The following PLCB2 variants were observed in gnomAD, a reference collection of about 807,000 sequenced individuals.
PLCB2 encodes 1-phosphatidylinositol 4,5-bisphosphate phosphodiesterase beta-2.
PLCB2 carries 115 observed loss-of-function variants against 141.7 expected under a neutral mutation model. That is an observed-to-expected ratio of 0.81 (90% CI 0.70 to 0.95). The LOEUF (loss-of-function observed/expected upper bound fraction) is 0.95. PLCB2 is among the 40% of genes least tolerant of loss of function. The probability of loss-of-function intolerance (pLI) is 0.00; values close to 1 mark genes in which losing one functional copy is unlikely to be tolerated. For synonymous variants in PLCB2, 603 were observed against 595.6 expected, an observed-to-expected ratio of 1.01 and a Z score of -0.18; for missense variants, 1,403 against 1,541.1, an observed-to-expected ratio of 0.91 and a Z score of 1.50.
At chr15:40,285,843 A>C, downstream of PLCB2, 1 of 985,412 alleles carries the variant, frequency 1.0e-6, no homozygotes, top group East Asian at 1.1e-4. Context: ...CAGAATGGGC[A>C]CTTTCTTGGT....
In PLCB2 at chr15:40,288,355, A is replaced by C. The variant is rs2039664309; in HGVS notation, c.*360T>G. Reference sequence around the variant, plus strand: ...TGGGTCCAACCCTCCAGGTGAGGAAACTGAGCCCAGAGCTGGTTGCTCAAT... The same window carrying C: ...TGGGTCCAACCCTCCAGGTGAGGAACCTGAGCCCAGAGCTGGTTGCTCAAT... On this transcript the variant is annotated 3_prime_UTR_variant, in exon 32 of 32. Coordinates refer to ENST00000260402, the MANE Select transcript of PLCB2 (RefSeq NM_004573.3). 1.4e-5 allele frequency: 14 copies of C among 1,024,514 alleles called. No homozygotes were observed. The highest frequency in any genetic ancestry group is 1.6e-5 in the Non-Finnish European group (14 of 855,474). The allele number at this position is 1,024,514 out of a possible 1,614,324, so 63.5% of individuals were successfully genotyped here. A position where few individuals can be genotyped will look rare whatever the true frequency, so the allele number is the denominator to read the frequency against.
chr15:40,298,706 G>C lies in PLCB2; in HGVS notation c.853C>G (p.Gln285Glu). The C allele has an allele frequency of 6.2e-7, 1 of 1,614,072 alleles. No homozygotes were observed. ...CAGACCATGCCTTCAGGTGACAGCT[G>C]GCCTGGGGGACAGGAGATAGCTGTC... ...EPSGINAQRG[Q>E]LSPEGMVWFL... Residue 285 changes from glutamine (Q) to glutamate (E), a missense_variant and splice_region_variant, in exon 10 of 32, where the codon CAG (glutamine) becomes GAG (glutamate). Gln to Glu is a conservative substitution (Grantham distance 29). This residue lies in a region of PLCB2 where 975 missense variants were observed against 1,141.1 expected (regional missense o/e 0.85). Transcript: ENST00000260402.
rs1468369410 is a variant in PLCB2 at position 40,288,916 on chromosome 15, G to C, written c.3357C>G (p.Phe1119Leu). ...LEQIREMEKQ[F>L]QKEALAEYEA... Reference sequence around the variant, plus strand: ...CGTACTCTGCCAGCGCCTCCTTCTGGAACTGTGGAGACAGCAAGGACCCCT... The same window carrying C: ...CGTACTCTGCCAGCGCCTCCTTCTGCAACTGTGGAGACAGCAAGGACCCCT... Residue 1119 changes from phenylalanine to leucine, a missense_variant and splice_region_variant, in exon 32 of 32, where the codon TTC (phenylalanine) becomes TTG (leucine). Physicochemically the swap from Phe to Leu is conservative, Grantham distance 22. Around this residue, in one of 4 missense-constraint regions of PLCB2, gnomAD observed 132 missense variants for 132.4 expected, o/e 1.00. Transcript: ENST00000260402. 1 of 1,612,494 alleles carries C rather than the reference G, an allele frequency of 6.2e-7. No individual in the cohort carries two copies. Among genetic ancestry groups the C allele is most frequent in the Non-Finnish European group, 8.5e-7 (1 of 1,179,856 alleles).
At chr15:40,293,885 G>A (rs924924970) in intron 19 of PLCB2, among the ~76,000 whole-genome samples, 161 bp from the exon 20 acceptor site, 1 of 152,170 alleles carries the variant, frequency 6.6e-6, no homozygotes, top group Non-Finnish European at 1.5e-5. Context: ...TGTAGCCCAC[G>A]GGTTACAGCT....
chr15:40,306,862 T>A (rs2040821944), intron 1 of PLCB2, among the ~76,000 whole-genome samples: 1 of 152,172 alleles, frequency 6.6e-6, no homozygotes, highest in African/African-American at 2.4e-5. Flanking sequence ...CCTAAGAGAA[T>A]CCCTGGCCTA....
intron 2 of PLCB2, 129 bp from the exon 3 acceptor site, chr15:40,303,485 G>C (rs1379255436): frequency 2.3e-5 from 16 of 685,620 alleles, no homozygotes; most frequent in Non-Finnish European, 3.9e-5. Context: ...CCTCTCTCTA[G>C]ATGCCAGGCT....
chr15:40,305,822 C>A (rs2040766741), intron 1 of PLCB2, among the ~76,000 whole-genome samples: 1 of 152,240 alleles, frequency 6.6e-6, no homozygotes, highest in Non-Finnish European at 1.5e-5. Context: ...ACCTCCCTCC[C>A]TATAGCTCAT....
At position 40,292,128 on chromosome 15, in the gene PLCB2, T is replaced by C; in HGVS notation, c.2462A>G (p.Lys821Arg). ...CTTCGTGTCATGGGCACTGAAGAACTTAATGGGGTTGGCGAGGGCCACAGT... is the reference window on the plus strand; with the variant it reads ...CTTCGTGTCATGGGCACTGAAGAACCTAATGGGGTTGGCGAGGGCCACAGT... ...DLTVALANPI[K>R]FFSAHDTKSV... The change falls in exon 23 of 32, where the codon AAG becomes AGG. Residue 821 changes from lysine (K) to arginine (R), a missense_variant. Around this residue, in one of 4 missense-constraint regions of PLCB2, gnomAD observed 975 missense variants for 1,141.1 expected, o/e 0.85. Coordinates refer to ENST00000260402, the MANE Select transcript of PLCB2 (RefSeq NM_004573.3). The C allele has an allele frequency of 1.9e-6, 3 of 1,614,174 alleles. No homozygotes were observed. Among genetic ancestry groups the C allele is most frequent in the Non-Finnish European group, 2.5e-6 (3 of 1,180,038 alleles).
At position 40,296,925 on chromosome 15, in the gene PLCB2, A is replaced by G; in HGVS notation, c.1324-17T>C. 1 of 1,612,928 alleles carries G rather than the reference A, an allele frequency of 6.2e-7. No homozygotes were observed. Among genetic ancestry groups the G allele is most frequent in the South Asian group, 1.1e-5 (1 of 91,004 alleles). On this transcript the variant is annotated splice_polypyrimidine_tract_variant and intron_variant, in intron 13 of 31. Coordinates refer to ENST00000260402, the MANE Select transcript of PLCB2 (RefSeq NM_004573.3). Reference sequence around the variant, plus strand: ...TGGTTTTAGCTATGGAGTGGAGAGCAGGTCAGCACCATCTTCTCACCTTCA... The same window carrying G: ...TGGTTTTAGCTATGGAGTGGAGAGCGGGTCAGCACCATCTTCTCACCTTCA...
chr15:40,289,342 T>C lies in PLCB2; in HGVS notation c.3284A>G (p.Glu1095Gly), dbSNP rs936212. Residue 1095 changes from glutamate to glycine, a missense_variant, in exon 31 of 32, where the codon GAG becomes GGG. Physicochemically the swap from Glu to Gly is moderately conservative, Grantham distance 98. Around this residue, in one of 4 missense-constraint regions of PLCB2, gnomAD observed 132 missense variants for 132.4 expected, o/e 1.00. Transcript: ENST00000260402. ...CTCCTCCAGCTTCTCCTGGTGCCTC[T>C]CCAAGTTCTCCGTCATCTGGGTGGG... ...QVIKQMTENL[E>G]RHQEKLEEKQ... 52,429 of 1,613,786 alleles carry C rather than the reference T, an allele frequency of 0.032. 9,500 individuals carry two copies. The East Asian group carries it at 0.6, about 19-fold the overall frequency.
chr15:40,307,628 G>A lies in PLCB2; in HGVS notation c.45C>T (p.Ala15=). ...TGAAGCGCTCCCCTTGGCTCAGATA[G>A]GCCTTCACCTTGGGGGGCAGCAGGA... The part of the protein sequence containing the change: ...NPVLLPPKVK[A]YLSQGERFIK... The change falls in exon 1 of 32, where the codon GCC becomes GCT. Residue 15 remains alanine (A), a synonymous_variant. Transcript: ENST00000260402. 1 of 1,587,146 alleles carries A rather than the reference G, an allele frequency of 6.3e-7. No homozygotes were observed. Among genetic ancestry groups the A allele is most frequent in the East Asian group, 2.3e-5 (1 of 42,804 alleles).
chr15:40,285,485 A>ATTTTG (rs1038297575), downstream of PLCB2: 32 of 966,758 alleles, frequency 3.3e-5, no homozygotes, highest in African/African-American at 4.8e-4. Context: ...CATTTTTTTT[A>ATTTTG]TTTTGTTTTG....
At chr15:40,296,697 C>T in intron 14 of PLCB2, 49 bp downstream of exon 14, 6 of 1,610,476 alleles carry the variant, frequency 3.7e-6, no homozygotes, top group Non-Finnish European at 5.1e-6. Context: ...AGCCCCTCTC[C>T]TGTTCCAGAT....
intron 1 of PLCB2, among the ~76,000 whole-genome samples, chr15:40,305,539 TG>T (rs1291409330): frequency 3.3e-5 from 5 of 152,130 alleles, no homozygotes; most frequent in Middle Eastern, 6.8e-3. Context: ...GGGTCCAGGG[TG>T]GGCCCATGGG....
rs140792994 is a variant in PLCB2, at chr15:40,302,127, G to A, written c.506+9C>T. The A allele has an allele frequency of 6.6e-4, 1,066 of 1,612,178 alleles. 14 individuals carry two copies. The East Asian group carries it at 0.016, about 24-fold the overall frequency. On this transcript the variant is annotated intron_variant, in intron 6 of 31. Transcript: ENST00000260402. ...CCCTGGAAGCCTGGGGAGGGGTTGG[G>A]GGGCTCACTTCTTCACCGGAATCTT...
rs1595620746 is a variant in PLCB2 at position 40,288,480 on chromosome 15, A to G, written c.*235T>C. ...GACACTTATCTAGAGATGGAGGGGG[A>G]GGTAGGAAGTCAGCTTGAGAAGACT... On this transcript the variant is annotated 3_prime_UTR_variant, in exon 32 of 32. Coordinates refer to ENST00000260402, the MANE Select transcript of PLCB2 (RefSeq NM_004573.3). 18 of 1,255,326 alleles carry G rather than the reference A, an allele frequency of 1.4e-5. No homozygotes were observed. Among genetic ancestry groups the G allele is most frequent in the Admixed American group, 3.7e-5 (1 of 27,334 alleles). The allele number at this position is 1,255,326 out of a possible 1,614,324, so 77.8% of individuals were successfully genotyped here. A position where few individuals can be genotyped will look rare whatever the true frequency, so the allele number is the denominator to read the frequency against.
downstream of PLCB2, among the ~76,000 whole-genome samples, chr15:40,287,061 T>C (rs1286776174): frequency 1.3e-5 from 2 of 152,210 alleles, no homozygotes; most frequent in African/African-American, 4.8e-5. Context: ...TGAGTTCCTC[T>C]AGGCCCGAAT....
intron 27 of PLCB2, 89 bp from the exon 28 acceptor site, chr15:40,290,926 A>C: frequency 1.2e-6 from 1 of 837,180 alleles, no homozygotes; most frequent in Non-Finnish European, 1.6e-6. Flanking sequence ...GGAGTCGGTG[A>C]GGGGGTTGGG....
At chr15:40,289,580 A>G (rs76648838) in intron 30 of PLCB2, 1 of 575,368 alleles carries the variant, frequency 1.7e-6, no homozygotes, top group Non-Finnish European at 3.1e-6. Flanking sequence ...AGTGCCTGGC[A>G]CAGGTCAGGA....
Sources: gnomAD v4.1 joint callset for allele counts (sites outside exome capture counted in the v4.1 genomes callset) on GRCh38, gnomAD v4.1.1 for gene constraint, gnomAD v4.1.1 regional missense constraint, MANE v1.5 for transcripts, NCBI Gene and HGNC (gene_info 2026-07-23, HGNC 2026-07-21) for gene names.